The following GPM6A variants were observed in gnomAD, a reference collection of about 807,000 sequenced individuals.
GPM6A encodes the protein glycoprotein M6A.
In GPM6A, 7 loss-of-function variants were observed where a neutral mutation model predicts 32.1. That is an observed-to-expected ratio of 0.22 (90% CI 0.12 to 0.41). GPM6A has a LOEUF of 0.41. Ranked by LOEUF, GPM6A falls within the 10% of genes least tolerant of loss-of-function variation. The pLI is 1.00. For synonymous variants in GPM6A, 130 were observed against 123.4 expected, an observed-to-expected ratio of 1.05 and a Z score of -0.35; for missense variants, 235 against 347.2, an observed-to-expected ratio of 0.68 and a Z score of 2.57.
chr4:175,757,717 G>A (rs1732582676), intron 1 of GPM6A, among the ~76,000 whole-genome samples: 1 of 152,092 alleles, frequency 6.6e-6, no homozygotes, highest in African/African-American at 2.4e-5. Context: ...GACATGTAAT[G>A]AGAAGAGTAT....
intron 1 of GPM6A, among the ~76,000 whole-genome samples, chr4:175,794,055 G>A (rs905779385): frequency 6.6e-6 from 1 of 151,952 alleles, no homozygotes. Flanking sequence ...ATGCATCTTT[G>A]GAAACCATTT....
rs530470004 is a variant in GPM6A, at chr4:175,729,701, T to C, written c.38-27934A>G. ...CATGCCTGCATCAAAATAGCTCATGTAAATAAATGTATACACTCACTATGT... is the reference window on the plus strand; with the variant it reads ...CATGCCTGCATCAAAATAGCTCATGCAAATAAATGTATACACTCACTATGT... On this transcript the variant is annotated intron_variant, in intron 1 of 6. Transcript: ENST00000393658. Among the ~76,000 whole-genome samples, 3 of 149,706 alleles carry C rather than the reference T, an allele frequency of 2.0e-5. No homozygotes were observed. In the Admixed American group the frequency reaches 2.0e-4, roughly 10 times the overall value.
intron 1 of GPM6A, among the ~76,000 whole-genome samples, chr4:175,964,659 C>T (rs1260272963): frequency 6.6e-6 from 1 of 152,162 alleles, no homozygotes; most frequent in African/African-American, 2.4e-5. Context: ...CTAATGACCT[C>T]ATTTTACCTT....
chr4:175,827,390 G>C (rs1252098939), intron 1 of GPM6A, among the ~76,000 whole-genome samples: 1 of 152,138 alleles, frequency 6.6e-6, no homozygotes, highest in Non-Finnish European at 1.5e-5. Flanking sequence ...AAATAACCCT[G>C]TGAGGTACAT....
intron 1 of GPM6A, among the ~76,000 whole-genome samples, chr4:175,760,271 T>C (rs1732687525): frequency 6.6e-6 from 1 of 152,172 alleles, no homozygotes; most frequent in African/African-American, 2.4e-5. Flanking sequence ...TGTGTGTACT[T>C]CTGAATTTTT....
intron 1 of GPM6A, 84 bp downstream of exon 1, chr4:175,812,107 T>G: frequency 9.9e-7 from 1 of 1,006,146 alleles, no homozygotes; most frequent in Non-Finnish European, 1.5e-6. Flanking sequence ...AAACATTCAT[T>G]AGCCTTACTG....
chr4:175,740,159 G>A (rs79098863), intron 1 of GPM6A, among the ~76,000 whole-genome samples: 7,953 of 151,870 alleles, frequency 0.052, 369 homozygotes, highest in East Asian at 0.27. Flanking sequence ...ATTTAATTAC[G>A]TACTCAAAAA....
At chr4:175,755,767 A>T (rs575118234) in intron 1 of GPM6A, among the ~76,000 whole-genome samples, 15 of 152,156 alleles carry the variant, frequency 9.9e-5, no homozygotes, top group Non-Finnish European at 1.8e-4. Context: ...GGATGAGTCA[A>T]ATATTCATGT....
chr4:175,869,752 G>A (rs764182876), intron 1 of GPM6A, among the ~76,000 whole-genome samples: 22 of 148,384 alleles, frequency 1.5e-4, no homozygotes, highest in Non-Finnish European at 2.1e-4. Flanking sequence ...ACAAGACTCC[G>A]TCTCAAAAAA....
intron 1 of GPM6A, among the ~76,000 whole-genome samples, chr4:175,905,676 C>T (rs1320578185): frequency 1.3e-5 from 2 of 151,968 alleles, no homozygotes; most frequent in African/African-American, 4.8e-5. Flanking sequence ...ATCCTTATGC[C>T]AAAGTGCTAT....
In GPM6A at chr4:175,827,661, G is replaced by C. The variant is rs528230243; in HGVS notation, c.-22-15412C>G. On this transcript the variant is annotated intron_variant, in intron 1 of 7. Transcript: ENST00000280187. ...CACAAGCCTTCGGGCCATTCTCTAG[G>C]CTCTGTTGGTTTGGTCCGCATGATG... 3.9e-5 allele frequency among the ~76,000 whole-genome samples: 6 copies of C among 152,268 alleles called. No homozygotes were observed. In the South Asian group the frequency reaches 1.2e-3, roughly 32 times the overall value.
chr4:175,734,038 C>T (rs1731544161), intron 1 of GPM6A, among the ~76,000 whole-genome samples: 1 of 151,880 alleles, frequency 6.6e-6, no homozygotes, highest in African/African-American at 2.4e-5. Context: ...AATTTGACTT[C>T]CACGATCAAA....
At chr4:175,748,065 C>T (rs972931703) in intron 1 of GPM6A, among the ~76,000 whole-genome samples, 8 of 152,184 alleles carry the variant, frequency 5.3e-5, no homozygotes, top group African/African-American at 1.9e-4. Context: ...AATTCAGTCA[C>T]ATCTTCAGGC....
chr4:175,963,106 C>A (rs1740219035), intron 1 of GPM6A, among the ~76,000 whole-genome samples: 1 of 148,248 alleles, frequency 6.7e-6, no homozygotes, highest in African/African-American at 2.5e-5. Flanking sequence ...TCAATGGAAA[C>A]ATCAAAAAAG....
At chr4:175,767,258 T>C (rs147032644) in intron 1 of GPM6A, among the ~76,000 whole-genome samples, 19 of 152,288 alleles carry the variant, frequency 1.2e-4, no homozygotes, top group African/African-American at 4.6e-4. Flanking sequence ...ACAGATGGAA[T>C]AGCTCTTGAA....
intron 1 of GPM6A, among the ~76,000 whole-genome samples, chr4:175,807,943 T>A (rs1326934602): frequency 6.6e-6 from 1 of 152,194 alleles, no homozygotes; most frequent in Non-Finnish European, 1.5e-5. Flanking sequence ...TTTATTTTCC[T>A]CAACATTAGT....
At chr4:175,829,506 TG>T (rs1335165570) in intron 1 of GPM6A, among the ~76,000 whole-genome samples, 2 of 151,782 alleles carry the variant, frequency 1.3e-5, no homozygotes, top group East Asian at 3.9e-4. Context: ...GTGGTATAGT[TG>T]GATGCCAAGT....
At chr4:175,916,450 T>C (rs1738496515) in intron 1 of GPM6A, among the ~76,000 whole-genome samples, 2 of 152,216 alleles carry the variant, frequency 1.3e-5, no homozygotes, top group Admixed American at 6.5e-5. Context: ...TTCAGTAGTT[T>C]AGAATTTTGG....
intron 2 of GPM6A, among the ~76,000 whole-genome samples, chr4:175,699,544 C>T (rs576292134): frequency 1.6e-4 from 25 of 152,240 alleles, no homozygotes; most frequent in African/African-American, 4.6e-4. Context: ...ATGACCTTAG[C>T]GAAGCTCTCA....
Sources: gnomAD v4.1 joint callset for allele counts (sites outside exome capture counted in the v4.1 genomes callset) on GRCh38, gnomAD v4.1.1 for gene constraint, MANE v1.5 for transcripts, NCBI Gene and HGNC (gene_info 2026-07-23, HGNC 2026-07-21) for gene names.